The following RYR2 variants were observed in gnomAD, a reference collection of about 807,000 sequenced individuals.
RYR2 encodes ryanodine receptor 2, also known as cardiac muscle ryanodine receptor-calcium release channel.
RYR2 carries 227 observed loss-of-function variants against 601.1 expected under a neutral mutation model. The ratio of observed to expected loss-of-function variants is 0.38; its 90% CI spans 0.34 to 0.42. RYR2 has a LOEUF of 0.42. Among genes scored for constraint, RYR2 ranks in the 10% least tolerant of loss-of-function variants. The pLI is 1.00. For synonymous variants in RYR2, 2,223 were observed against 2,175.1 expected, an observed-to-expected ratio of 1.02 and a Z score of -0.61; for missense variants, 4,646 against 6,156.5, an observed-to-expected ratio of 0.75 and a Z score of 8.21.
intron 1 of RYR2, among the ~76,000 whole-genome samples, chr1:237,153,864 G>GT (rs1445184449): frequency 6.6e-6 from 1 of 152,072 alleles, no homozygotes; most frequent in Non-Finnish European, 1.5e-5. Context: ...GGCAAACAGG[G>GT]TTTTTGTTTT....
chr1:237,642,461 A>G (rs1448230045), intron 47 of RYR2, among the ~76,000 whole-genome samples: 1 of 152,180 alleles, frequency 6.6e-6, no homozygotes, highest in Non-Finnish European at 1.5e-5. Context: ...AATATTTGTT[A>G]TTTTTCCCAT....
chr1:237,240,349 C>T (rs1686013980), intron 1 of RYR2, among the ~76,000 whole-genome samples: 1 of 152,086 alleles, frequency 6.6e-6, no homozygotes, highest in Non-Finnish European at 1.5e-5. Context: ...ATATAATTCT[C>T]ATTGTGACCC....
chr1:237,580,222 C>T (rs1375549510), intron 29 of RYR2, among the ~76,000 whole-genome samples: 1 of 137,248 alleles, frequency 7.3e-6, no homozygotes, highest in African/African-American at 2.8e-5. Flanking sequence ...ATGGTGTGAT[C>T]GCAGCTCACT....
At chr1:237,189,517 G>A (rs1679734838) in intron 1 of RYR2, among the ~76,000 whole-genome samples, 1 of 152,222 alleles carries the variant, frequency 6.6e-6, no homozygotes. Context: ...CATTTGGGAG[G>A]AGACTAGGTC....
chr1:237,790,637 T>A (rs1658264844), intron 92 of RYR2, among the ~76,000 whole-genome samples: 1 of 152,144 alleles, frequency 6.6e-6, no homozygotes, highest in African/African-American at 2.4e-5. Flanking sequence ...GAACTTTCCC[T>A]ATATTAACTC....
chr1:237,356,666 A>G (rs1206899389), intron 4 of RYR2, among the ~76,000 whole-genome samples: 1 of 152,144 alleles, frequency 6.6e-6, no homozygotes. Context: ...AAGTTGTGCA[A>G]AAAGTTACAT....
intron 75 of RYR2, 141 bp from the exon 76 acceptor site, chr1:237,726,946 A>G (rs1456978309): frequency 7.1e-6 from 4 of 561,212 alleles, no homozygotes; most frequent in Non-Finnish European, 9.6e-6. Context: ...GTACTTTTGG[A>G]ATTGGAATTC....
At chr1:237,782,831 T>C (rs1350898886) in intron 89 of RYR2, among the ~76,000 whole-genome samples, 1 of 152,170 alleles carries the variant, frequency 6.6e-6, no homozygotes, top group Non-Finnish European at 1.5e-5. Context: ...ACAGAGAGGC[T>C]AAGAAATCTG....
At chr1:237,714,998 A>T (rs1230540774) in intron 71 of RYR2, among the ~76,000 whole-genome samples, 1 of 126,962 alleles carries the variant, frequency 7.9e-6, no homozygotes. Flanking sequence ...TCTCAAAAAA[A>T]AAAAAAAAAA....
intron 84 of RYR2, among the ~76,000 whole-genome samples, chr1:237,768,996 CATT>C (rs1446460998): frequency 6.6e-6 from 1 of 152,080 alleles, no homozygotes; most frequent in Non-Finnish European, 1.5e-5. Context: ...TGTTATAAAT[CATT>C]ATGCATTGTG....
At chr1:237,792,025 G>A (rs1658432854) in intron 93 of RYR2, 80 bp from the exon 94 acceptor site, 10 of 981,442 alleles carry the variant, frequency 1.0e-5, no homozygotes, top group Non-Finnish European at 1.6e-5. Context: ...TTGCTGAAAA[G>A]GCTGTATTTC....
At chr1:237,072,600 G>T (rs1353594684) in intron 1 of RYR2, among the ~76,000 whole-genome samples, 1 of 152,000 alleles carries the variant, frequency 6.6e-6, no homozygotes, top group Non-Finnish European at 1.5e-5. Context: ...CACATAAAAT[G>T]GATTTGGAAA....
At position 237,394,600 on chromosome 1, in the gene RYR2, C is replaced by T. The variant is rs150138624; in HGVS notation, c.773+6417C>T. Among the ~76,000 whole-genome samples, 98 of 152,300 alleles carry T rather than the reference C, an allele frequency of 6.4e-4. 1 individual carries two copies. The highest frequency in any genetic ancestry group is 2.3e-3 in the African/African-American group (95 of 41,572). On this transcript the variant is annotated intron_variant, in intron 10 of 104. Coordinates refer to ENST00000366574, the MANE Select transcript of RYR2 (RefSeq NM_001035.3). ...TCCTATGAAAATGTGTCAACTGAAA[C>T]GCTTATAATTTCACTCTGAAATAAC...
At chr1:237,056,323 ACTGCACCTATGAGGACTGGAGCC>A (rs1433861792) in intron 1 of RYR2, among the ~76,000 whole-genome samples, 273 of 145,986 alleles carry the variant, frequency 1.9e-3, no homozygotes, top group Non-Finnish European at 2.9e-3. Context: ...GGACTGGAGC[ACTGCACCTATGAGGACTGGAGCC>A]CTGCACCTGT....
chr1:237,368,147 T>A (rs1231121486), intron 5 of RYR2, among the ~76,000 whole-genome samples: 2 of 152,134 alleles, frequency 1.3e-5, no homozygotes, highest in Non-Finnish European at 2.9e-5. Flanking sequence ...AATCTGAGTA[T>A]AAATGGGGCT....
intron 97 of RYR2, 121 bp from the exon 98 acceptor site, chr1:237,801,735 C>G (rs2790346): frequency 1.9e-6 from 1 of 532,364 alleles, no homozygotes; most frequent in South Asian, 3.3e-5. Flanking sequence ...GGATAGAACT[C>G]GTTTCCCAAG....
At chr1:237,518,733 G>A (rs1010305460) in intron 24 of RYR2, among the ~76,000 whole-genome samples, 1 of 152,172 alleles carries the variant, frequency 6.6e-6, no homozygotes, top group Non-Finnish European at 1.5e-5. Context: ...AAGTGCAGAT[G>A]TCTTTTTGAT....
In RYR2 at chr1:237,569,151, C is replaced by T; in HGVS notation, c.3430C>T (p.Arg1144Trp). The T allele has an allele frequency of 1.9e-6, 3 of 1,612,912 alleles. No homozygotes were observed. The highest frequency in any genetic ancestry group is 2.5e-6 in the Non-Finnish European group (3 of 1,179,366). Residue 1144 changes from arginine to tryptophan, a missense_variant, in exon 29 of 105, where the codon CGG becomes TGG. Around this residue, in one of 17 missense-constraint regions of RYR2, gnomAD observed 1,807 missense variants for 2,088.1 expected, o/e 0.87. Coordinates refer to ENST00000366574, the MANE Select transcript of RYR2 (RefSeq NM_001035.3). ...TTTTCTGTCCTCTGTATAGGCCCAG[C>T]GGTGGCATCAGGGCAATGAACACTA... The part of the protein sequence containing the change: ...AFAFDGFKAQ[R>W]WHQGNEHYGR...
At chr1:237,468,503 A>T (rs866704835) in intron 16 of RYR2, among the ~76,000 whole-genome samples, 1 of 152,176 alleles carries the variant, frequency 6.6e-6, no homozygotes, top group Non-Finnish European at 1.5e-5. Context: ...TCTTTAATAT[A>T]CATTGTGAAT....
Sources: gnomAD v4.1 joint callset for allele counts (sites outside exome capture counted in the v4.1 genomes callset) on GRCh38, gnomAD v4.1.1 for gene constraint, gnomAD v4.1.1 regional missense constraint, MANE v1.5 for transcripts, NCBI Gene and HGNC (gene_info 2026-07-23, HGNC 2026-07-21) for gene names.